The following CYP11B1 variants were observed in gnomAD, a reference collection of about 807,000 sequenced individuals.
CYP11B1 encodes the protein cytochrome P450 11B1, mitochondrial.
In CYP11B1, 34 loss-of-function variants were observed where a neutral mutation model predicts 48.3. That is an observed-to-expected ratio of 0.70 (90% CI 0.54 to 0.94). CYP11B1 has a LOEUF of 0.94. Ranked by LOEUF, CYP11B1 falls within the 40% of genes least tolerant of loss-of-function variation. The pLI, the probability that CYP11B1 is intolerant of heterozygous loss-of-function variation, is 0.00. For synonymous variants in CYP11B1, 291 were observed against 262.5 expected (o/e 1.11, Z -1.05); for missense variants, 688 against 657.4 (o/e 1.05, Z -0.51).
chr8:142,873,019 G>A lies in CYP11B1; in HGVS notation c.*1354C>T, dbSNP rs1269124499. The A allele has an allele frequency of 6.6e-6, 1 of 152,236 alleles. No individual in the cohort carries two copies. Among genetic ancestry groups the A allele is most frequent in the Non-Finnish European group, 1.5e-5 (1 of 68,062 alleles). The allele number at this position is 152,236 out of a possible 1,614,324, so 9.4% of individuals were successfully genotyped here. A position where few individuals can be genotyped will look rare whatever the true frequency, so the allele number is the denominator to read the frequency against. On this transcript the variant is annotated 3_prime_UTR_variant, in exon 9 of 9. Coordinates refer to ENST00000292427, the MANE Select transcript of CYP11B1 (RefSeq NM_000497.4). ...GCCTTCTAAGCCTTCAGAACCATGA[G>A]AAATAGAATTCTGATGTTTGTCAGC...
chr8:142,875,025 C>A lies in CYP11B1; in HGVS notation c.1330G>T (p.Gly444Cys), dbSNP rs748447513. Residue 444 changes from glycine (G) to cysteine (C), a missense_variant, in exon 8 of 9, where the codon GGC (glycine) becomes TGC (cysteine). Gly to Cys is a radical substitution (Grantham distance 159). Coordinates refer to ENST00000292427, the MANE Select transcript of CYP11B1 (RefSeq NM_000497.4). ...CCAAGGCACTGGCGCATGCCAAAGC[C>A]AAAGGGCACGTGGTAGAAGTTCCTG... ...SGRNFYHVPF[G>C]FGMRQCLGRR... 6.2e-6 allele frequency: 10 copies of A among 1,614,260 alleles called. No individual in the cohort carries two copies. Among genetic ancestry groups the A allele is most frequent in the Non-Finnish European group, 8.5e-6 (10 of 1,180,056 alleles).
At chr8:142,876,065 C>T (rs1191804667) in intron 5 of CYP11B1, 176 bp downstream of exon 5, 11 of 1,134,098 alleles carry the variant, frequency 9.7e-6, no homozygotes, top group Middle Eastern at 4.0e-4. Flanking sequence ...AAAGGAACCC[C>T]CCATTCCAAC....
chr8:142,877,577 CCT>C (rs1817002628), intron 2 of CYP11B1, among the ~76,000 whole-genome samples: 1 of 152,172 alleles, frequency 6.6e-6, no homozygotes, highest in African/African-American at 2.4e-5. Context: ...GGAACTGACC[CCT>C]GTTGTCAAGC....
At position 142,875,804 on chromosome 8, in the gene CYP11B1, C is replaced by T. The variant is rs758996199; in HGVS notation, c.1029G>A (p.Glu343=). Residue 343 remains glutamate, a synonymous_variant, in exon 6 of 9, where the codon GAG becomes GAA. Transcript: ENST00000292427. ...TGATGCTGGCTGCGGCGGCCAGGCTCTCCTGGCGCAGGGCCTGCTGCACGT... is the reference window on the plus strand; with the variant it reads ...TGATGCTGGCTGCGGCGGCCAGGCTTTCCTGGCGCAGGGCCTGCTGCACGT... ...NPNVQQALRQ[E]SLAAAASISE... is the part of the protein sequence containing the mutation. 4.5e-5 allele frequency: 72 copies of T among 1,613,996 alleles called. 1 individual carries two copies. In the South Asian group the frequency reaches 7.6e-4, roughly 17 times the overall value.
rs779439938 is a variant in CYP11B1 at position 142,879,328 on chromosome 8, T to C, written c.240-141A>G. 9 of 1,605,784 alleles carry C rather than the reference T, an allele frequency of 5.6e-6. No individual in the cohort carries two copies. In the African/African-American group the frequency reaches 9.3e-5, roughly 17 times the overall value. ...TCACAGCTAAAGCCCTCTTGCTGAC[T>C]GCCCGGAACCTCTTAACTTCAGTGC... is the stretch of plus-strand genomic sequence containing the variant. On this transcript the variant is annotated intron_variant, in intron 1 of 8. Transcript: ENST00000292427.
chr8:142,876,662 G>T lies in CYP11B1; in HGVS notation c.799+20C>A, dbSNP rs1256904539. On this transcript the variant is annotated intron_variant, in intron 4 of 8. Transcript: ENST00000292427. ...CATGGTGTCCCTTCCCCATAGCACT[G>T]CCCGGGTCCCTGGCCTCACCGTACT... 5.6e-5 allele frequency: 89 copies of T among 1,595,918 alleles called. No homozygotes were observed. Among genetic ancestry groups the T allele is most frequent in the Non-Finnish European group, 6.5e-5 (76 of 1,171,662 alleles).
At position 142,879,200 on chromosome 8, in the gene CYP11B1, G is replaced by A. The variant is rs766675817; in HGVS notation, c.240-13C>T. On this transcript the variant is annotated splice_polypyrimidine_tract_variant and intron_variant, in intron 1 of 8. Transcript: ENST00000292427. ...TCCCAAGTCGTACCTGTGGGGCCAA[G>A]CACGAGGCCGTGCTGGATGGGACCA... 1.2e-6 allele frequency: 2 copies of A among 1,613,958 alleles called. No individual in the cohort carries two copies. The highest frequency in any genetic ancestry group is 1.7e-6 in the Non-Finnish European group (2 of 1,179,998).
At chr8:142,874,933 C>T (rs1024429962) in intron 8 of CYP11B1, 24 bp downstream of exon 8, 6 of 1,611,584 alleles carry the variant, frequency 3.7e-6, no homozygotes, top group Non-Finnish European at 5.1e-6. Flanking sequence ...CGCCCAGGCC[C>T]CTCCCCAGCC....
At chr8:142,879,003 C>G (rs1817054918) in intron 2 of CYP11B1, 29 bp downstream of exon 2, 1 of 1,613,492 alleles carries the variant, frequency 6.2e-7, no homozygotes, top group East Asian at 2.2e-5. Flanking sequence ...GCTGCCCACC[C>G]TGCTCCCAGC....
intron 1 of CYP11B1, 173 bp from the exon 2 acceptor site, chr8:142,879,360 G>C: frequency 6.2e-7 from 1 of 1,608,194 alleles, no homozygotes; most frequent in Non-Finnish European, 8.5e-7. Flanking sequence ...GTGCCTCTGA[G>C]TCCTGCCCTC....
In CYP11B1 at chr8:142,874,367, A is replaced by G. The variant is rs773660963; in HGVS notation, c.*6T>C. Reference sequence around the variant, plus strand: ...CCAGGCTGGGACCCTGGGTGCAGAGACGTGATTAGTTGATGGCTCTGAAGG... The same window carrying G: ...CCAGGCTGGGACCCTGGGTGCAGAGGCGTGATTAGTTGATGGCTCTGAAGG... On this transcript the variant is annotated 3_prime_UTR_variant, in exon 9 of 9. Transcript: ENST00000292427. The G allele has an allele frequency of 6.2e-7, 1 of 1,602,096 alleles. No homozygotes were observed. Among genetic ancestry groups the G allele is most frequent in the Non-Finnish European group, 8.6e-7 (1 of 1,169,134 alleles).
At chr8:142,874,546 C>G (rs1248487827) in intron 8 of CYP11B1, 60 bp from the exon 9 acceptor site, 1 of 1,127,242 alleles carries the variant, frequency 8.9e-7, no homozygotes, top group Non-Finnish European at 1.4e-6. Flanking sequence ...GTGGTGCAGC[C>G]TTCTCAGACC....
At chr8:142,877,940 A>G (rs1432708113) in intron 2 of CYP11B1, 3 of 877,682 alleles carry the variant, frequency 3.4e-6, no homozygotes, top group Non-Finnish European at 3.5e-6. Flanking sequence ...GCAAGACCTC[A>G]ACACCATGTG....
Position 142,874,132 on chromosome 8 carries a change from A to C in CYP11B1, c.*241T>G. 1 of 572,280 alleles carries C rather than the reference A, an allele frequency of 1.7e-6. No individual in the cohort carries two copies. Among genetic ancestry groups the C allele is most frequent in the Non-Finnish European group, 3.1e-6 (1 of 317,942 alleles). 35.5% of individuals were successfully genotyped at this position (572,280 alleles called of 1,614,324 possible). A position where few individuals can be genotyped will look rare whatever the true frequency, so the allele number is the denominator to read the frequency against. ...GCCCAGAGGACAGTGCTTGCTGGAG[A>C]AAGGGCCAGGTGGGGCTGGGGACAA... On this transcript the variant is annotated 3_prime_UTR_variant, in exon 9 of 9. Transcript: ENST00000292427.
chr8:142,873,785 T>G lies in CYP11B1; in HGVS notation c.*588A>C, dbSNP rs1013324266. The G allele has an allele frequency of 6.0e-6, 1 of 166,324 alleles. No individual in the cohort carries two copies. Among genetic ancestry groups the G allele is most frequent in the Non-Finnish European group, 1.3e-5 (1 of 74,948 alleles). The allele number at this position is 166,324 out of a possible 1,614,324, so 10.3% of individuals were successfully genotyped here. ...TCCCTCGAGACTCAGTTGTATCACTTGAAAATGGGGATGTCAGGACAAGTG... is the reference window on the plus strand; with the variant it reads ...TCCCTCGAGACTCAGTTGTATCACTGGAAAATGGGGATGTCAGGACAAGTG... On this transcript the variant is annotated 3_prime_UTR_variant, in exon 9 of 9. Coordinates refer to ENST00000292427, the MANE Select transcript of CYP11B1 (RefSeq NM_000497.4).
rs549281636 is a variant in CYP11B1 at position 142,877,705 on chromosome 8, C to G, written c.396-483G>C. 63 of 1,565,644 alleles carry G rather than the reference C, an allele frequency of 4.0e-5. No homozygotes were observed. The African/African-American group carries it at 6.8e-4, about 17-fold the overall frequency. ...TGGGGCAGCAGCCCCAGTGAAGTGTCTGCATCTTCTGCAGGACAGAAACCA... is the reference window on the plus strand; with the variant it reads ...TGGGGCAGCAGCCCCAGTGAAGTGTGTGCATCTTCTGCAGGACAGAAACCA... On this transcript the variant is annotated intron_variant, in intron 2 of 8. Coordinates refer to ENST00000292427, the MANE Select transcript of CYP11B1 (RefSeq NM_000497.4).
rs775951251 is a variant in CYP11B1 at position 142,873,840 on chromosome 8, A to G, written c.*533T>C. 15 of 195,436 alleles carry G rather than the reference A, an allele frequency of 7.7e-5. No homozygotes were observed. The highest frequency in any genetic ancestry group is 1.6e-4 in the Non-Finnish European group (15 of 92,926). The allele number at this position is 195,436 out of a possible 1,614,324, so 12.1% of individuals were successfully genotyped here. On this transcript the variant is annotated 3_prime_UTR_variant, in exon 9 of 9. Transcript: ENST00000292427. ...CAGGGGCCTTTTTATTCTACCCTGC[A>G]GGACCCTATTCCAGGGTGACAACTT...
rs387907573 is a variant in CYP11B1 at position 142,876,299 on chromosome 8, A to G, written c.896T>C (p.Leu299Pro). The change falls in exon 5 of 9, where the codon CTG becomes CCG. Residue 299 changes from leucine (L) to proline (P), a missense_variant. Transcript: ENST00000292427. The stretch of plus-strand genomic sequence containing the variant: ...GTTGGCCTTGATGGCATCTGGCGAC[A>G]GTTCCGCATTCAACAGGAGCTCCGC... ...IVAELLLNAE[L>P]SPDAIKANSM... 6 of 1,614,100 alleles carry G rather than the reference A, an allele frequency of 3.7e-6. No individual in the cohort carries two copies. Among genetic ancestry groups the G allele is most frequent in the Middle Eastern group, 3.3e-4 (2 of 6,084 alleles).
Position 142,876,755 on chromosome 8 carries a change from C to T in CYP11B1, c.726G>A (p.Arg242=), listed in dbSNP as rs781603834. 18 of 1,613,956 alleles carry T rather than the reference C, an allele frequency of 1.1e-5. No individual in the cohort carries two copies. Among genetic ancestry groups the T allele is most frequent in the Non-Finnish European group, 1.5e-5 (18 of 1,180,008 alleles). The change falls in exon 4 of 9, where the codon AGG becomes AGA. Residue 242 remains arginine (R), a synonymous_variant. Transcript: ENST00000292427. Reference sequence around the variant, plus strand: ...TGGGGCTGGTCCAGCGAGACAGGCTCCTGGGCATGAACATGAGCTGGACGG... The same window carrying T: ...TGGGGCTGGTCCAGCGAGACAGGCTTCTGGGCATGAACATGAGCTGGACGG... The part of the protein sequence containing the change: ...KSTVQLMFMP[R]SLSRWTSPKV...
Sources: gnomAD v4.1 joint callset for allele counts (sites outside exome capture counted in the v4.1 genomes callset) on GRCh38, gnomAD v4.1.1 for gene constraint, MANE v1.5 for transcripts, NCBI Gene and HGNC (gene_info 2026-07-23, HGNC 2026-07-21) for gene names.